Variants in CCDC66 observed in about 807,000 individuals in gnomAD.
CCDC66 encodes the protein coiled-coil domain containing 66.
A neutral mutation model predicts 128.3 loss-of-function variants in CCDC66; 133 were observed. The ratio of observed to expected loss-of-function variants is 1.04; its 90% confidence interval spans 0.90 to 1.20. CCDC66 has a LOEUF of 1.20. CCDC66 is among the 50% of genes most tolerant of loss of function. The pLI is 0.00. For synonymous variants in CCDC66, 387 were observed against 357.0 expected (o/e 1.08, Z -0.95); for missense variants, 1,126 against 1,075.5 (o/e 1.05, Z -0.66).
At chr3:56,608,208 GTACCAAT>G (rs2074328140) in intron 10 of CCDC66, among the ~76,000 whole-genome samples, 1 of 152,066 alleles carries the variant, frequency 6.6e-6, no homozygotes, top group Admixed American at 6.6e-5. Flanking sequence ...AAAAGAATTG[GTACCAAT>G]TACCTGAATG....
intron 10 of CCDC66, among the ~76,000 whole-genome samples, chr3:56,610,876 C>T (rs986489705): frequency 2.3e-4 from 35 of 152,310 alleles, no homozygotes; most frequent in Admixed American, 1.7e-3. Context: ...TACTTGGCTC[C>T]GGGCTGGTGC....
In CCDC66 at chr3:56,619,333, A is replaced by G. The variant is rs562755252; in HGVS notation, c.2441A>G (p.His814Arg). The G allele has an allele frequency of 1.1e-5, 18 of 1,613,696 alleles. No homozygotes were observed. Among genetic ancestry groups the G allele is most frequent in the Non-Finnish European group, 1.5e-5 (18 of 1,179,768 alleles). ...NRTQQTQNTLHLPLKNSSYER... is the reference protein window; with the variant it reads ...NRTQQTQNTLRLPLKNSSYER... ...ACCCAACAAACTCAAAATACATTAC[A>G]TTTACCACTAAAAAACAGTAGCTAT... is the stretch of plus-strand genomic sequence containing the variant. Residue 814 changes from histidine (H) to arginine (R), a missense_variant, in exon 16 of 18, where the codon CAT becomes CGT. Coordinates refer to ENST00000394672, the MANE Select transcript of CCDC66 (RefSeq NM_001141947.3).
rs1281312320 is a variant in CCDC66 at position 56,594,046 on chromosome 3, A to G, written c.1404+18A>G. 7 of 1,597,414 alleles carry G rather than the reference A, an allele frequency of 4.4e-6. No homozygotes were observed. Among genetic ancestry groups the G allele is most frequent in the Non-Finnish European group, 6.0e-6 (7 of 1,164,392 alleles). ...AGCATCAGGTATTGCATTGTTAAAC[A>G]TTGTTCTTTACCTTAATAAGTAACA... On this transcript the variant is annotated intron_variant, in intron 10 of 17. Transcript: ENST00000394672.
chr3:56,619,851 A>AAT lies in CCDC66; in HGVS notation c.2712_2713dup (p.Arg905IlefsTer15). 6.2e-7 allele frequency: 1 copy of AAT among 1,614,124 alleles called. No individual in the cohort carries two copies. Among genetic ancestry groups the AAT allele is most frequent in the Non-Finnish European group, 8.5e-7 (1 of 1,179,998 alleles). ...ACTTCTTAATCCTAACATGGTGAAA[A>AAT]ATAGGGATCGACAGCAAGCAATCCT... On this transcript the variant is annotated frameshift_variant, in exon 17 of 18. Coordinates refer to ENST00000394672, the MANE Select transcript of CCDC66 (RefSeq NM_001141947.3). LOFTEE classifies it high-confidence loss of function.
chr3:56,612,765 T>C (rs1422206566), intron 10 of CCDC66, among the ~76,000 whole-genome samples: 1 of 152,062 alleles, frequency 6.6e-6, no homozygotes, highest in Non-Finnish European at 1.5e-5. Flanking sequence ...GGAGGAGTGC[T>C]CAGGTGCCAA....
At chr3:56,604,426 T>C (rs956073018) in intron 10 of CCDC66, among the ~76,000 whole-genome samples, 2 of 152,040 alleles carry the variant, frequency 1.3e-5, no homozygotes, top group Non-Finnish European at 2.9e-5. Flanking sequence ...AGTTGTTCCT[T>C]TCCATGTTTA....
chr3:56,573,550 A>G (rs542079993), intron 7 of CCDC66, among the ~76,000 whole-genome samples: 1 of 152,358 alleles, frequency 6.6e-6, no homozygotes, highest in Admixed American at 6.5e-5. Flanking sequence ...ATGCCCCTTC[A>G]TGGGTCCCAT....
intron 11 of CCDC66, among the ~76,000 whole-genome samples, 157 bp from the exon 12 acceptor site, chr3:56,614,971 C>T (rs1243992811): frequency 6.6e-6 from 1 of 152,042 alleles, no homozygotes; most frequent in East Asian, 1.9e-4. Context: ...ATGTAAGCTC[C>T]AAAAGGGCAG....
At chr3:56,572,281 T>C (rs2066738833) in intron 7 of CCDC66, 1 of 1,026,450 alleles carries the variant, frequency 9.7e-7, no homozygotes, top group Non-Finnish European at 1.3e-6. Flanking sequence ...CTGTGGTTAA[T>C]TTTGGGTAAA....
intron 10 of CCDC66, among the ~76,000 whole-genome samples, chr3:56,606,690 C>A (rs114259608): frequency 0.05 from 7,669 of 152,118 alleles, 281 homozygotes; most frequent in South Asian, 0.16. Context: ...CTGTGTCGAT[C>A]TTGCTGGGAG....
At position 56,566,530 on chromosome 3, in the gene CCDC66, T is replaced by C. The variant is rs2065884327; in HGVS notation, c.545-64T>C. ...AAGACATGTAAGAACTGTATAGCAC[T>C]ATGCCAAGTATTATAACAGATGTAA... On this transcript the variant is annotated intron_variant, in intron 4 of 17. Coordinates refer to ENST00000394672, the MANE Select transcript of CCDC66 (RefSeq NM_001141947.3). 4.6e-6 allele frequency: 5 copies of C among 1,084,854 alleles called. No homozygotes were observed. In the Admixed American group the frequency reaches 9.3e-5, roughly 20 times the overall value. The allele number at this position is 1,084,854 out of a possible 1,614,324, so 67.2% of individuals were successfully genotyped here.
rs569449442 is a variant in CCDC66 at position 56,585,857 on chromosome 3, G to A, written c.937-7113G>A. On this transcript the variant is annotated intron_variant, in intron 7 of 17. Transcript: ENST00000394672. ...CAAAAGTTCTTAAAGATCATTTCTG[G>A]ATCAGAAAAATGGGTCAAAATTAAA... Among the ~76,000 whole-genome samples the A allele has an allele frequency of 3.3e-5, 5 of 151,880 alleles. No homozygotes were observed. In the South Asian group the frequency reaches 1.0e-3, roughly 32 times the overall value.
At chr3:56,592,460 A>T (rs2071083366) in intron 7 of CCDC66, among the ~76,000 whole-genome samples, 1 of 152,080 alleles carries the variant, frequency 6.6e-6, no homozygotes, top group African/African-American at 2.4e-5. Context: ...TCCCGGGTTC[A>T]AGTGATTTGT....
intron 11 of CCDC66, among the ~76,000 whole-genome samples, chr3:56,614,877 CTT>C (rs979069343): frequency 1.3e-5 from 2 of 152,074 alleles, no homozygotes; most frequent in African/African-American, 2.4e-5. Flanking sequence ...GTTTTTAAAA[CTT>C]TGAAAACTTT....
intron 12 of CCDC66, chr3:56,615,509 G>A (rs1339696508): frequency 4.7e-6 from 2 of 423,422 alleles, no homozygotes; most frequent in Non-Finnish European, 8.4e-6. Context: ...AAAGTGTTGG[G>A]ATTACAGGTG....
intron 10 of CCDC66, among the ~76,000 whole-genome samples, chr3:56,612,484 G>A (rs532850486): frequency 3.3e-5 from 5 of 152,278 alleles, no homozygotes; most frequent in Admixed American, 3.3e-4. Context: ...GGTCAAGCCA[G>A]GCCAATTATT....
intron 6 of CCDC66, 67 bp downstream of exon 6, chr3:56,567,120 G>A (rs775835391): frequency 7.3e-6 from 9 of 1,231,262 alleles, no homozygotes; most frequent in Admixed American, 1.7e-5. Flanking sequence ...AGCCGGGCAC[G>A]GTGGCTCACA....
intron 10 of CCDC66, among the ~76,000 whole-genome samples, chr3:56,598,905 G>A (rs2072628631): frequency 6.6e-6 from 1 of 151,946 alleles, no homozygotes; most frequent in South Asian, 2.1e-4. Flanking sequence ...TCCTTCTCTG[G>A]CTTTGGTATC....
At chr3:56,602,362 T>C (rs949612391) in intron 10 of CCDC66, among the ~76,000 whole-genome samples, 1 of 152,066 alleles carries the variant, frequency 6.6e-6, no homozygotes, top group Admixed American at 6.5e-5. Flanking sequence ...TGCTGCTGGA[T>C]TTGATTTGAC....
Sources: gnomAD v4.1 joint callset for allele counts (sites outside exome capture counted in the v4.1 genomes callset) on GRCh38, gnomAD v4.1.1 for gene constraint, MANE v1.5 for transcripts, NCBI Gene and HGNC (gene_info 2026-07-23, HGNC 2026-07-21) for gene names.